The following NKAIN2 variants were observed in gnomAD, a reference collection of about 807,000 sequenced individuals.
NKAIN2 encodes sodium/potassium-transporting ATPase subunit beta-1-interacting protein 2.
In NKAIN2, 14 loss-of-function variants were observed where a neutral mutation model predicts 32.6. The observed-to-expected ratio is 0.43, with a 90% CI of 0.28 to 0.67. The LOEUF (loss-of-function observed/expected upper bound fraction) is 0.67, where lower values mean the gene tolerates loss of function less well. Ranked by LOEUF, NKAIN2 falls within the 30% of genes least tolerant of loss-of-function variation. The probability of loss-of-function intolerance (pLI) is 0.17; values close to 1 mark genes in which losing one functional copy is unlikely to be tolerated. For synonymous variants in NKAIN2, 80 were observed against 87.2 expected (o/e 0.92, Z 0.46); for missense variants, 198 against 258.3 (o/e 0.77, Z 1.60).
At chr6:124,294,218 G>A (rs1402678904) in intron 2 of NKAIN2, among the ~76,000 whole-genome samples, 1 of 152,002 alleles carries the variant, frequency 6.6e-6, no homozygotes, top group Non-Finnish European at 1.5e-5. Flanking sequence ...CAAAATAGGA[G>A]GGGCAGCCTC....
Position 123,813,580 on chromosome 6 carries a change from G to C in NKAIN2, c.54+9326G>C, listed in dbSNP as rs140616187. On this transcript the variant is annotated intron_variant, in intron 1 of 6. Coordinates refer to ENST00000368417, the MANE Select transcript of NKAIN2 (RefSeq NM_001040214.3). Reference sequence around the variant, plus strand: ...TAATACCAGCACTTTGGGAGGCCGAGGCCGGTAGATCACCTGAGGTCAGGA... The same window carrying C: ...TAATACCAGCACTTTGGGAGGCCGACGCCGGTAGATCACCTGAGGTCAGGA... 8.1e-3 allele frequency among the ~76,000 whole-genome samples: 1,203 copies of C among 148,586 alleles called. 17 individuals are homozygous for C. Among genetic ancestry groups the C allele is most frequent in the African/African-American group, 0.028 (1,165 of 41,298 alleles).
intron 1 of NKAIN2, among the ~76,000 whole-genome samples, chr6:124,127,913 GTCT>G (rs1181789063): frequency 1.3e-5 from 2 of 152,012 alleles, no homozygotes; most frequent in Non-Finnish European, 2.9e-5. Flanking sequence ...TGCACCCTCC[GTCT>G]TCTTAGTTCA....
intron 3 of NKAIN2, among the ~76,000 whole-genome samples, chr6:124,377,640 G>A (rs1324838867): frequency 6.6e-6 from 1 of 152,178 alleles, no homozygotes; most frequent in Non-Finnish European, 1.5e-5. Flanking sequence ...AGAGAAATGT[G>A]AGGGGTGAGG....
At chr6:124,409,464 G>A (rs1254345213) in intron 3 of NKAIN2, among the ~76,000 whole-genome samples, 1 of 152,100 alleles carries the variant, frequency 6.6e-6, no homozygotes, top group Non-Finnish European at 1.5e-5. Context: ...TGTGGTTTTT[G>A]TCTTTGGTTC....
chr6:124,557,096 C>T (rs1478874868), intron 3 of NKAIN2, among the ~76,000 whole-genome samples: 1 of 151,978 alleles, frequency 6.6e-6, no homozygotes, highest in Admixed American at 6.6e-5. Flanking sequence ...ATGCAATGTG[C>T]CTATTATTGA....
chr6:124,132,810 A>G (rs964213232), intron 1 of NKAIN2, among the ~76,000 whole-genome samples: 4 of 152,154 alleles, frequency 2.6e-5, no homozygotes, highest in African/African-American at 9.7e-5. Flanking sequence ...TGGCACCAAC[A>G]CAGAGCCTGG....
chr6:124,343,552 G>A (rs1467020519), intron 2 of NKAIN2, among the ~76,000 whole-genome samples: 3 of 151,994 alleles, frequency 2.0e-5, no homozygotes, highest in Admixed American at 1.3e-4. Flanking sequence ...ATCTCATTGT[G>A]GTTTTGATTT....
rs187719056 is a variant in NKAIN2, at chr6:124,371,874, A to T, written c.273+16527A>T. Among the ~76,000 whole-genome samples, 493 of 152,130 alleles carry T rather than the reference A, an allele frequency of 3.2e-3. 6 individuals are homozygous for T. Among genetic ancestry groups the T allele is most frequent in the African/African-American group, 0.011 (470 of 41,516 alleles). Reference sequence around the variant, plus strand: ...CTGGTTGTGTTTTATTTTCTCAGTGATTCCATTCTGTCGAGTATTGCATAA... The same window carrying T: ...CTGGTTGTGTTTTATTTTCTCAGTGTTTCCATTCTGTCGAGTATTGCATAA... On this transcript the variant is annotated intron_variant, in intron 3 of 6. Transcript: ENST00000368417.
At chr6:124,417,667 T>G (rs1186526604) in intron 3 of NKAIN2, among the ~76,000 whole-genome samples, 1 of 152,174 alleles carries the variant, frequency 6.6e-6, no homozygotes, top group African/African-American at 2.4e-5. Context: ...TTTTGTGACT[T>G]TGTCTTCAGA....
chr6:124,097,689 T>A (rs1163246337), intron 1 of NKAIN2, among the ~76,000 whole-genome samples: 1 of 152,174 alleles, frequency 6.6e-6, no homozygotes, highest in African/African-American at 2.4e-5. Context: ...TCAAAACAAA[T>A]GAGAAGTTCA....
chr6:124,635,063 G>GAGAGAGAAAT (rs1362321340), intron 3 of NKAIN2, among the ~76,000 whole-genome samples: 1 of 147,808 alleles, frequency 6.8e-6, no homozygotes, highest in Non-Finnish European at 1.5e-5. Context: ...AAGAGAGAAA[G>GAGAGAGAAAT]AAAGAGAAAA....
chr6:124,333,054 C>T (rs1359682162), intron 2 of NKAIN2, among the ~76,000 whole-genome samples: 1 of 151,850 alleles, frequency 6.6e-6, no homozygotes, highest in Non-Finnish European at 1.5e-5. Flanking sequence ...AGAAATCTGC[C>T]TAGAAAAATT....
At chr6:124,013,381 A>C (rs1471027153) in intron 1 of NKAIN2, among the ~76,000 whole-genome samples, 1 of 152,162 alleles carries the variant, frequency 6.6e-6, no homozygotes, top group African/African-American at 2.4e-5. Context: ...GCCGAGCCCA[A>C]AGTCACAAAG....
chr6:124,621,220 T>C lies in NKAIN2; in HGVS notation c.274-36966T>C, dbSNP rs75658812. ...AAACCACTACTCTAAGGCAATTTAT[T>C]TGGGACTACGCTGATGGAATTTCAG... On this transcript the variant is annotated intron_variant, in intron 3 of 6. Coordinates refer to ENST00000368417, the MANE Select transcript of NKAIN2 (RefSeq NM_001040214.3). 3.8e-3 allele frequency among the ~76,000 whole-genome samples: 579 copies of C among 152,264 alleles called. 4 individuals carry two copies. Among genetic ancestry groups the C allele is most frequent in the African/African-American group, 0.013 (553 of 41,558 alleles).
At chr6:124,712,002 G>A (rs1401416090) in intron 4 of NKAIN2, among the ~76,000 whole-genome samples, 1 of 152,012 alleles carries the variant, frequency 6.6e-6, no homozygotes, top group Non-Finnish European at 1.5e-5. Flanking sequence ...TTTTTGGTGT[G>A]GATGTTCTTT....
At chr6:123,903,856 GCA>G (rs1774724801) in intron 1 of NKAIN2, among the ~76,000 whole-genome samples, 1 of 151,912 alleles carries the variant, frequency 6.6e-6, no homozygotes, top group South Asian at 2.1e-4. Flanking sequence ...TTGAAAATTG[GCA>G]GCTGTTGTTT....
chr6:123,855,371 A>G (rs1039746562), intron 1 of NKAIN2, among the ~76,000 whole-genome samples: 6 of 152,224 alleles, frequency 3.9e-5, no homozygotes, highest in Non-Finnish European at 8.8e-5. Flanking sequence ...TGTCAATGTG[A>G]CATCATATTT....
chr6:124,454,403 G>A (rs13220749), intron 3 of NKAIN2, among the ~76,000 whole-genome samples: 4,441 of 152,026 alleles, frequency 0.029, 105 homozygotes, highest in Non-Finnish European at 0.045. Flanking sequence ...AAGTATTATT[G>A]CAACTACTAA....
chr6:124,472,685 TGAGAAAGGAG>T (rs1777022078), intron 3 of NKAIN2, among the ~76,000 whole-genome samples: 3 of 148,690 alleles, frequency 2.0e-5, no homozygotes, highest in Non-Finnish European at 3.0e-5. Flanking sequence ...GTGATTATTG[TGAGAAAGGAG>T]AAGAAAGGAG....
Sources: allele counts gnomAD v4.1 joint callset (sites outside exome capture counted in the v4.1 genomes callset), GRCh38; gene constraint gnomAD v4.1.1; transcripts MANE v1.5; gene names NCBI Gene and HGNC (gene_info 2026-07-23, HGNC 2026-07-21).